SUGCT: variants seen among roughly 807,000 people sequenced by gnomAD.
SUGCT encodes the protein succinyl-CoA:glutarate-CoA transferase.
In SUGCT, 41 loss-of-function variants were observed where a neutral mutation model predicts 55.0. The ratio of observed to expected loss-of-function variants is 0.74; its 90% CI spans 0.58 to 0.97. The LOEUF (loss-of-function observed/expected upper bound fraction) is 0.97, where lower values mean the gene tolerates loss of function less well. Among genes scored for constraint, SUGCT ranks in the 50% least tolerant of loss-of-function variants. The pLI, the probability that SUGCT is intolerant of heterozygous loss-of-function variation, is 0.00. For synonymous variants in SUGCT, 187 were observed against 200.4 expected (o/e 0.93, Z 0.56); for missense variants, 568 against 547.8 (o/e 1.04, Z -0.37).
intron 9 of SUGCT, among the ~76,000 whole-genome samples, chr7:40,390,952 C>G (rs183557327): frequency 6.6e-6 from 1 of 152,294 alleles, no homozygotes; most frequent in East Asian, 1.9e-4. Context: ...ACCAATGGAA[C>G]AGAACAGAAC....
At chr7:40,729,662 C>G (rs1316330704) in intron 12 of SUGCT, among the ~76,000 whole-genome samples, 1 of 152,088 alleles carries the variant, frequency 6.6e-6, no homozygotes, top group South Asian at 2.1e-4. Context: ...TTGGTCCATG[C>G]TAAATTTTGG....
intron 9 of SUGCT, among the ~76,000 whole-genome samples, chr7:40,416,167 G>T (rs1028873637): frequency 6.6e-6 from 1 of 151,066 alleles, no homozygotes; most frequent in African/African-American, 2.4e-5. Flanking sequence ...AAAATAGAGG[G>T]TTTTTTTTGT....
chr7:40,317,131 CT>C (rs759340955), intron 9 of SUGCT, among the ~76,000 whole-genome samples: 22 of 94,496 alleles, frequency 2.3e-4, no homozygotes, highest in African/African-American at 1.8e-4. Flanking sequence ...TGATGGTTTT[CT>C]TTTTTTTTTT....
intron 12 of SUGCT, among the ~76,000 whole-genome samples, chr7:40,586,745 C>T (rs1356518344): frequency 6.6e-6 from 1 of 152,122 alleles, no homozygotes. Flanking sequence ...AAGTAATTTG[C>T]TCAAAGGTAC....
At chr7:40,694,819 G>T (rs1039322996) in intron 12 of SUGCT, among the ~76,000 whole-genome samples, 3 of 152,140 alleles carry the variant, frequency 2.0e-5, no homozygotes, top group African/African-American at 4.8e-5. Context: ...CTAGGAAATG[G>T]CTCTGAACTT....
At chr7:40,338,899 T>A (rs988994523) in intron 9 of SUGCT, among the ~76,000 whole-genome samples, 1 of 152,216 alleles carries the variant, frequency 6.6e-6, no homozygotes, top group Admixed American at 6.5e-5. Flanking sequence ...TGGTCTTTGA[T>A]GATGATGATG....
At chr7:40,278,706 T>C (rs535049076) in intron 8 of SUGCT, among the ~76,000 whole-genome samples, 1 of 152,240 alleles carries the variant, frequency 6.6e-6, no homozygotes. Flanking sequence ...TCTCTCATCT[T>C]TCTTTACTTT....
rs1793270513 is a variant in SUGCT at position 40,285,490 on chromosome 7, T to TTG, written c.720+10835_720+10836insGT. Among the ~76,000 whole-genome samples, 2 of 109,882 alleles carry TTG rather than the reference T, an allele frequency of 1.8e-5. 1 individual carries two copies. Among genetic ancestry groups the TTG allele is most frequent in the South Asian group, 5.9e-4 (2 of 3,414 alleles). The allele number at this position is 109,882 out of a possible 152,430, so 72.1% of individuals were successfully genotyped here. A position where few individuals can be genotyped will look rare whatever the true frequency, so the allele number is the denominator to read the frequency against. On this transcript the variant is annotated intron_variant, in intron 8 of 13. Transcript: ENST00000335693. Reference sequence around the variant, plus strand: ...TTATTTATTCTTGTTTTTTTCTTTTTTCGGGGGGGGGCAAGAATTTTATTT... The same window carrying TTG: ...TTATTTATTCTTGTTTTTTTCTTTTTTGTCGGGGGGGGGCAAGAATTTTATTT...
At chr7:40,752,768 T>C (rs561075585) in intron 13 of SUGCT, among the ~76,000 whole-genome samples, 1 of 152,294 alleles carries the variant, frequency 6.6e-6, no homozygotes, top group South Asian at 2.1e-4. Flanking sequence ...AAGTAAATAA[T>C]TGGAGTAAAA....
At chr7:41,031,647 A>G in the SUGCT span, among the ~76,000 whole-genome samples, 32 of 152,260 alleles carry the variant, frequency 2.1e-4, no homozygotes, top group East Asian at 5.6e-3. Flanking sequence ...TATTTCAGAT[A>G]TTCTGAACTT....
chr7:40,778,816 T>C (rs772301538), intron 13 of SUGCT, among the ~76,000 whole-genome samples: 1 of 152,244 alleles, frequency 6.6e-6, no homozygotes, highest in Non-Finnish European at 1.5e-5. Context: ...GTAGGTGAGA[T>C]GAAGCTGAGA....
At chr7:40,616,436 C>A (rs1325945466) in intron 12 of SUGCT, among the ~76,000 whole-genome samples, 1 of 152,220 alleles carries the variant, frequency 6.6e-6, no homozygotes, top group Non-Finnish European at 1.5e-5. Flanking sequence ...CCCGCCTCAG[C>A]CTCCCAAAGT....
intron 12 of SUGCT, among the ~76,000 whole-genome samples, chr7:40,737,157 A>G (rs1277007126): frequency 6.6e-6 from 1 of 152,208 alleles, no homozygotes; most frequent in Non-Finnish European, 1.5e-5. Context: ...GGCAATGTAT[A>G]TTGGACACAG....
chr7:40,541,402 A>G lies in SUGCT; in HGVS notation c.1089+45016A>G, dbSNP rs1423389293. On this transcript the variant is annotated intron_variant, in intron 12 of 13. Transcript: ENST00000335693. ...AGATTACCTATTCCTGTGACCCTGC[A>G]ATTCTTCTCTTTGACATATAGATTA... 3.3e-5 allele frequency among the ~76,000 whole-genome samples: 5 copies of G among 152,190 alleles called. No homozygotes were observed. The East Asian group carries it at 9.6e-4, about 29-fold the overall frequency.
chr7:40,400,811 G>A (rs1018440901), intron 9 of SUGCT, among the ~76,000 whole-genome samples: 11 of 152,250 alleles, frequency 7.2e-5, no homozygotes, highest in African/African-American at 2.6e-4. Flanking sequence ...GATAGTCATA[G>A]CTCATCTCAG....
intron 7 of SUGCT, among the ~76,000 whole-genome samples, chr7:40,272,078 T>A (rs1036226121): frequency 9.4e-6 from 1 of 106,474 alleles, no homozygotes; most frequent in Non-Finnish European, 2.1e-5. Flanking sequence ...GCTCTCTCTC[T>A]CTCTCTCTCT....
intron 3 of SUGCT, among the ~76,000 whole-genome samples, chr7:40,183,156 C>T (rs1785313270): frequency 6.6e-6 from 1 of 151,968 alleles, no homozygotes. Flanking sequence ...ACCTGTGGTT[C>T]CAGCTACTTG....
At chr7:40,948,896 A>G in the SUGCT span, among the ~76,000 whole-genome samples, 1 of 152,198 alleles carries the variant, frequency 6.6e-6, no homozygotes, top group East Asian at 1.9e-4. Flanking sequence ...GCTATTGTGA[A>G]TATTGCTGCA....
rs374563953 is a variant in SUGCT at position 40,187,211 on chromosome 7, C to T, written c.227-1284C>T. ...CAAAAAACCAAACACTGCATGTTCTCACTCATAGGTGGGAATTGAACAATG... is the reference window on the plus strand; with the variant it reads ...CAAAAAACCAAACACTGCATGTTCTTACTCATAGGTGGGAATTGAACAATG... On this transcript the variant is annotated intron_variant, in intron 3 of 13. Transcript: ENST00000335693. Among the ~76,000 whole-genome samples, 92 of 152,200 alleles carry T rather than the reference C, an allele frequency of 6.0e-4. 2 individuals carry two copies. In the South Asian group the frequency reaches 0.018, roughly 29 times the overall value.
Sources: gnomAD v4.1 joint callset for allele counts (sites outside exome capture counted in the v4.1 genomes callset) on GRCh38, gnomAD v4.1.1 for gene constraint, MANE v1.5 for transcripts, NCBI Gene and HGNC (gene_info 2026-07-23, HGNC 2026-07-21) for gene names.